RABL2B: variants seen among roughly 807,000 people sequenced by gnomAD.
RABL2B encodes the protein RAB, member of RAS oncogene family like 2B.
RABL2B carries 17 observed loss-of-function variants against 26.7 expected under a neutral mutation model. The observed-to-expected ratio is 0.64, with a 90% CI of 0.44 to 0.95. The LOEUF is 0.95. Ranked by LOEUF, RABL2B falls within the 40% of genes least tolerant of loss-of-function variation. RABL2B has a pLI of 0.00. For missense variants in RABL2B, 170 were observed against 277.2 expected (o/e 0.61, Z 2.75); for synonymous variants, 70 against 103.9 (o/e 0.67, Z 1.99).
chr22:50,767,677 C>G lies in RABL2B; in HGVS notation c.*1099G>C. On this transcript the variant is annotated 3_prime_UTR_variant, in exon 9 of 9. Coordinates refer to ENST00000691320, the MANE Select transcript of RABL2B (RefSeq NM_001130919.3). ...TAGCTCTCCTCTTGCAGTCCTCAGCCTCCCACAGGAGGCACAAGGTCCAAA... is the reference window on the plus strand; with the variant it reads ...TAGCTCTCCTCTTGCAGTCCTCAGCGTCCCACAGGAGGCACAAGGTCCAAA... 1 of 443,708 alleles carries G rather than the reference C, an allele frequency of 2.3e-6. No homozygotes were observed. The highest frequency in any genetic ancestry group is 1.6e-5 in the South Asian group (1 of 62,632). 27.5% of individuals were successfully genotyped at this position (443,708 alleles called of 1,614,324 possible). A position where few individuals can be genotyped will look rare whatever the true frequency, so the allele number is the denominator to read the frequency against.
intron 2 of RABL2B, among the ~76,000 whole-genome samples, chr22:50,779,659 C>G (rs1352524792): frequency 6.6e-6 from 1 of 152,042 alleles, no homozygotes; most frequent in African/African-American, 2.4e-5. Context: ...CACATCTGGA[C>G]CTAACTACTC....
rs1292332519 is a variant in RABL2B at position 50,768,400 on chromosome 22, CT to C, written c.*375del. The C allele has an allele frequency of 6.4e-6, 2 of 314,564 alleles. No homozygotes were observed. The highest frequency in any genetic ancestry group is 4.4e-5 in the African/African-American group (2 of 45,156). 19.5% of individuals were successfully genotyped at this position (314,564 alleles called of 1,614,324 possible). A position where few individuals can be genotyped will look rare whatever the true frequency, so the allele number is the denominator to read the frequency against. On this transcript the variant is annotated 3_prime_UTR_variant, in exon 9 of 9. Transcript: ENST00000691320. ...CCCAAGGAATTGTCCCCGAGGTGAGCTTTGGAAAGAAAACAAAAACAAAAAC... is the reference window on the plus strand; with the variant it reads ...CCCAAGGAATTGTCCCCGAGGTGAGCTTGGAAAGAAAACAAAAACAAAAAC...
intron 5 of RABL2B, among the ~76,000 whole-genome samples, chr22:50,775,019 TC>T (rs1403457938): frequency 1.3e-5 from 2 of 152,308 alleles, no homozygotes; most frequent in African/African-American, 4.8e-5. Context: ...CCTCAGGTGA[TC>T]CACCCATCTT....
rs782241181 is a variant in RABL2B at position 50,769,926 on chromosome 22, C to T, written c.388G>A (p.Val130Met). The change falls in exon 6 of 9, where the codon GTG becomes ATG. Residue 130 changes from valine to methionine, a missense_variant. Val to Met is a conservative substitution (Grantham distance 21, BLOSUM62 1). Transcript: ENST00000691320. ...REFRPEIPCIVVANKIDADIN... is the reference protein window; with the variant it reads ...REFRPEIPCIMVANKIDADIN... ...CCACCATCAATTTTATTGGCCACCACGATGCATGGGATCTCTGGCCTGAAC... is the reference window on the plus strand; with the variant it reads ...CCACCATCAATTTTATTGGCCACCATGATGCATGGGATCTCTGGCCTGAAC... The T allele has an allele frequency of 1.1e-5, 18 of 1,613,588 alleles. No homozygotes were observed. The East Asian group carries it at 2.0e-4, about 18-fold the overall frequency.
At chr22:50,770,813 A>C (rs2084030907) in intron 5 of RABL2B, among the ~76,000 whole-genome samples, 1 of 151,680 alleles carries the variant, frequency 6.6e-6, no homozygotes, top group South Asian at 2.1e-4. Context: ...GCAGTGGCTC[A>C]ATCACAGCTC....
chr22:50,772,522 C>A, intron 5 of RABL2B: 3 of 991,398 alleles, frequency 3.0e-6, no homozygotes, highest in Non-Finnish European at 3.6e-6. Context: ...ACAACCACCA[C>A]CCTGTAACCG....
chr22:50,775,574 C>T (rs547944166), intron 5 of RABL2B, among the ~76,000 whole-genome samples, 198 bp downstream of exon 5: 4 of 152,110 alleles, frequency 2.6e-5, no homozygotes, highest in East Asian at 3.9e-4. Flanking sequence ...CACCCATCCC[C>T]GCCTACAGAG....
Position 50,767,948 on chromosome 22 carries a change from C to G in RABL2B, c.*828G>C. The stretch of plus-strand genomic sequence containing the variant: ...GAATGAATAGCTATCTGCTCAAAAA[C>G]GATTGTTTAAAAACAGATGATTGGG... On this transcript the variant is annotated 3_prime_UTR_variant, in exon 9 of 9. Coordinates refer to ENST00000691320, the MANE Select transcript of RABL2B (RefSeq NM_001130919.3). 3.0e-6 allele frequency: 1 copy of G among 328,820 alleles called. No individual in the cohort carries two copies. The highest frequency in any genetic ancestry group is 5.9e-6 in the Non-Finnish European group (1 of 168,836). The allele number at this position is 328,820 out of a possible 1,614,324, so 20.4% of individuals were successfully genotyped here.
At chr22:50,769,727 C>T (rs563437836) in intron 6 of RABL2B, 175 bp from the exon 7 acceptor site, 134 of 1,044,854 alleles carry the variant, frequency 1.3e-4, no homozygotes, top group East Asian at 1.1e-3. Flanking sequence ...GAGGGCAGGT[C>T]GGCTTAGCTG....
chr22:50,776,197 C>T (rs2084953191), intron 4 of RABL2B, among the ~76,000 whole-genome samples: 1 of 152,160 alleles, frequency 6.6e-6, no homozygotes, highest in Non-Finnish European at 1.5e-5. Context: ...CTCACGTGCG[C>T]TGACCACAGA....
intron 5 of RABL2B, among the ~76,000 whole-genome samples, chr22:50,774,998 C>CA (rs2084758963): frequency 6.6e-6 from 1 of 152,208 alleles, no homozygotes; most frequent in South Asian, 2.1e-4. Flanking sequence ...AGGCTGGTCT[C>CA]AAACTGCTGA....
intron 4 of RABL2B, among the ~76,000 whole-genome samples, chr22:50,776,395 G>A (rs2084988458): frequency 6.6e-6 from 1 of 152,202 alleles, no homozygotes; most frequent in East Asian, 1.9e-4. Context: ...TCTTCCCTGA[G>A]GTGGGTACAG....
intron 2 of RABL2B, chr22:50,780,853 C>T (rs1458867387): frequency 5.1e-6 from 2 of 388,676 alleles, no homozygotes; most frequent in Admixed American, 7.0e-5. Context: ...AAGATACATT[C>T]TCCGAAAGTT....
intron 4 of RABL2B, among the ~76,000 whole-genome samples, chr22:50,776,079 A>C (rs2084934582): frequency 6.6e-6 from 1 of 152,178 alleles, no homozygotes; most frequent in South Asian, 2.1e-4. Flanking sequence ...ACAGTGGGTC[A>C]GGGGCCAGGA....
intron 2 of RABL2B, among the ~76,000 whole-genome samples, chr22:50,779,916 G>A (rs1778496913): frequency 1.3e-5 from 2 of 152,312 alleles, no homozygotes; most frequent in Admixed American, 1.3e-4. Flanking sequence ...GGGAGGCGGA[G>A]GTTGCAGTGA....
At position 50,775,742 on chromosome 22, in the gene RABL2B, G is replaced by A. The variant is rs373914388; in HGVS notation, c.297+30C>T. 81 of 1,613,718 alleles carry A rather than the reference G, an allele frequency of 5.0e-5. No homozygotes were observed. In the African/African-American group the frequency reaches 9.9e-4, roughly 20 times the overall value. On this transcript the variant is annotated intron_variant, in intron 5 of 8. Transcript: ENST00000691320. ...ACCCCTCAGGCCAGACTTGCCCAGT[G>A]CCTTTGTCCACCTCCCCACCGTCTC...
At chr22:50,774,754 C>T (rs577479172) in intron 5 of RABL2B, among the ~76,000 whole-genome samples, 12 of 151,722 alleles carry the variant, frequency 7.9e-5, no homozygotes, top group Admixed American at 2.0e-4. Context: ...TTACTTTCTG[C>T]ATTGTTGATG....
chr22:50,782,146 C>CTT (rs1555929969), intron 2 of RABL2B, 42 bp downstream of exon 2: 2 of 1,257,240 alleles, frequency 1.6e-6, no homozygotes, highest in East Asian at 5.0e-5. Context: ...TGACCTGGAC[C>CTT]CTCTCTGGGG....
chr22:50,777,058 T>G (rs539625406), intron 3 of RABL2B, among the ~76,000 whole-genome samples: 1 of 152,182 alleles, frequency 6.6e-6, no homozygotes, highest in Non-Finnish European at 1.5e-5. Flanking sequence ...AATGCAAATG[T>G]GGATACCCCA....
Sources: allele counts gnomAD v4.1 joint callset (sites outside exome capture counted in the v4.1 genomes callset), GRCh38; gene constraint gnomAD v4.1.1; transcripts MANE v1.5; gene names NCBI Gene and HGNC (gene_info 2026-07-23, HGNC 2026-07-21).